IGSF9B: variants seen among roughly 807,000 people sequenced by gnomAD.
IGSF9B encodes the protein immunoglobulin superfamily member 9B.
IGSF9B carries 48 observed loss-of-function variants against 143.7 expected under a neutral mutation model. The observed-to-expected ratio is 0.33, with a 90% CI of 0.26 to 0.42. The LOEUF (loss-of-function observed/expected upper bound fraction) is 0.42. Ranked by LOEUF, IGSF9B falls within the 20% of genes least tolerant of loss-of-function variation. IGSF9B has a pLI of 1.00. For synonymous variants in IGSF9B, 903 were observed against 833.1 expected, an observed-to-expected ratio of 1.08 and a Z score of -1.44; for missense variants, 1,706 against 1,980.0, an observed-to-expected ratio of 0.86 and a Z score of 2.63.
intron 11 of IGSF9B, among the ~76,000 whole-genome samples, 192 bp from the exon 12 acceptor site, chr11:133,929,974 G>A (rs1333378074): frequency 6.6e-6 from 1 of 152,290 alleles, no homozygotes; most frequent in Admixed American, 6.5e-5. Context: ...TAGTGGGGTT[G>A]GAGCAGGAAG....
At position 133,931,966 on chromosome 11, in the gene IGSF9B, T is replaced by G; in HGVS notation, c.1110+105A>C. 1.3e-6 allele frequency: 2 copies of G among 1,509,324 alleles called. No individual in the cohort carries two copies. The highest frequency in any genetic ancestry group is 1.8e-6 in the Non-Finnish European group (2 of 1,123,516). The allele number at this position is 1,509,324 out of a possible 1,614,324, so 93.5% of individuals were successfully genotyped here. On this transcript the variant is annotated intron_variant, in intron 8 of 19. Transcript: ENST00000533871. The surrounding 1 kb of genome is among the most constrained non-coding windows in gnomAD (Gnocchi z 7.7). ...AGCAGCTCTCTGTTTGCCCAGGGCT[T>G]TTGGAAGGGGCCAGGAGTCCTGGCA...
At position 133,945,509 on chromosome 11, in the gene IGSF9B, G is replaced by T. The variant is rs886329568; in HGVS notation, c.262+552C>A. ...CCACGCCCTCCTCTCCCGCGGGCTG[G>T]GGGGCAGGCAGCGGCAGTGAGTCAC... On this transcript the variant is annotated intron_variant, in intron 2 of 19. Transcript: ENST00000533871. This position sits in a 1 kb window ranked among gnomAD's most constrained non-coding sequence, Gnocchi z 4.6. Among the ~76,000 whole-genome samples, 2 of 152,160 alleles carry T rather than the reference G, an allele frequency of 1.3e-5. No individual in the cohort carries two copies. Among genetic ancestry groups the T allele is most frequent in the East Asian group, 1.9e-4 (1 of 5,174 alleles).
In IGSF9B at chr11:133,926,909, C is replaced by T. The variant is rs1015681830; in HGVS notation, c.1807+7G>A. Reference sequence around the variant, plus strand: ...CCCGCTCCCAACATCCCACCCCGGGCCCTCACCTAAAGTGTTCACAGTGAC... The same window carrying T: ...CCCGCTCCCAACATCCCACCCCGGGTCCTCACCTAAAGTGTTCACAGTGAC... On this transcript the variant is annotated splice_region_variant and intron_variant, in intron 13 of 19. Coordinates refer to ENST00000533871, the MANE Select transcript of IGSF9B (RefSeq NM_001277285.4). The T allele has an allele frequency of 1.3e-5, 21 of 1,571,652 alleles. No individual in the cohort carries two copies. The highest frequency in any genetic ancestry group is 1.7e-5 in the Non-Finnish European group (20 of 1,154,146).
chr11:133,927,111 A>G lies in IGSF9B; in HGVS notation c.1632-20T>C. 2 of 1,528,158 alleles carry G rather than the reference A, an allele frequency of 1.3e-6. No individual in the cohort carries two copies. The highest frequency in any genetic ancestry group is 1.8e-6 in the Non-Finnish European group (2 of 1,127,156). 94.7% of individuals were successfully genotyped at this position (1,528,158 alleles called of 1,614,324 possible). A position where few individuals can be genotyped will look rare whatever the true frequency, so the allele number is the denominator to read the frequency against. On this transcript the variant is annotated intron_variant, in intron 12 of 19. Coordinates refer to ENST00000533871, the MANE Select transcript of IGSF9B (RefSeq NM_001277285.4). The stretch of plus-strand genomic sequence containing the variant: ...TTCATCCTGGCCAAAAGAGAGAGAC[A>G]GGATAGGGGACGAGGGGCGGGGTGG...
chr11:133,955,218 C>T (rs765228794), intron 1 of IGSF9B, among the ~76,000 whole-genome samples: 3 of 152,122 alleles, frequency 2.0e-5, no homozygotes, highest in South Asian at 2.1e-4. Context: ...CAAGCGCAGC[C>T]CGATGCACCT....
At chr11:133,942,799 G>T (rs995816658) in intron 3 of IGSF9B, among the ~76,000 whole-genome samples, 5 of 152,260 alleles carry the variant, frequency 3.3e-5, no homozygotes, top group Middle Eastern at 3.4e-3. Flanking sequence ...CTTACCAGGT[G>T]GTCAGAACAA....
chr11:133,937,584 G>A, intron 4 of IGSF9B, 91 bp from the exon 5 acceptor site: 2 of 1,141,366 alleles, frequency 1.8e-6, no homozygotes, highest in Non-Finnish European at 2.6e-6. Flanking sequence ...AGACACTAAG[G>A]TGGAGATGAC....
At chr11:133,947,831 T>C (rs997083047) in intron 1 of IGSF9B, among the ~76,000 whole-genome samples, 1 of 151,942 alleles carries the variant, frequency 6.6e-6, no homozygotes, top group African/African-American at 2.4e-5. Flanking sequence ...GATCTCTGTT[T>C]GTCTGTCTGC....
intron 13 of IGSF9B, among the ~76,000 whole-genome samples, 200 bp downstream of exon 13, chr11:133,926,716 C>T (rs1003091520): frequency 6.6e-5 from 10 of 152,230 alleles, no homozygotes; most frequent in Admixed American, 2.0e-4. Flanking sequence ...AACAGGAATT[C>T]GGCCAATGGC....
Position 133,948,304 on chromosome 11 carries a change from G to A in IGSF9B, c.65-2046C>T, listed in dbSNP as rs1410015508. Among the ~76,000 whole-genome samples, 1 of 152,082 alleles carries A rather than the reference G, an allele frequency of 6.6e-6. No individual in the cohort carries two copies. The highest frequency in any genetic ancestry group is 1.5e-5 in the Non-Finnish European group (1 of 68,022). Reference sequence around the variant, plus strand: ...CCCTTCCAGAAGCTGATTGGCTCCCGGTGACATCACAGTTTTCTAGAGAAA... The same window carrying A: ...CCCTTCCAGAAGCTGATTGGCTCCCAGTGACATCACAGTTTTCTAGAGAAA... On this transcript the variant is annotated intron_variant, in intron 1 of 19. Coordinates refer to ENST00000533871, the MANE Select transcript of IGSF9B (RefSeq NM_001277285.4). This position sits in a 1 kb window ranked among gnomAD's most constrained non-coding sequence, Gnocchi z 4.7.
In IGSF9B at chr11:133,928,764, C is replaced by A. The variant is rs1009615558; in HGVS notation, c.1631+907G>T. On this transcript the variant is annotated intron_variant, in intron 12 of 19. Transcript: ENST00000533871. This position sits in a 1 kb window ranked among gnomAD's most constrained non-coding sequence, Gnocchi z 4.7. Reference sequence around the variant, plus strand: ...TCCCTTCCTGTGCCTCCTGCCCTCACCCCGCTTGGCACATTTTTGAGATCT... The same window carrying A: ...TCCCTTCCTGTGCCTCCTGCCCTCAACCCGCTTGGCACATTTTTGAGATCT... 2.8e-4 allele frequency among the ~76,000 whole-genome samples: 43 copies of A among 152,332 alleles called. No homozygotes were observed. Among genetic ancestry groups the A allele is most frequent in the African/African-American group, 1.0e-3 (43 of 41,574 alleles).
chr11:133,919,512 G>A (rs1939466376), intron 18 of IGSF9B, among the ~76,000 whole-genome samples: 1 of 152,206 alleles, frequency 6.6e-6, no homozygotes, highest in South Asian at 2.1e-4. Context: ...GCTTGCCGGA[G>A]AAGACGCCTC....
At chr11:133,935,327 C>T (rs1341326867) in intron 7 of IGSF9B, among the ~76,000 whole-genome samples, 1 of 152,236 alleles carries the variant, frequency 6.6e-6, no homozygotes, top group African/African-American at 2.4e-5. Flanking sequence ...CGAGGACCAC[C>T]GTTCAGAAGG....
At position 133,949,159 on chromosome 11, in the gene IGSF9B, G is replaced by A. The variant is rs181448901; in HGVS notation, c.65-2901C>T. Among the ~76,000 whole-genome samples, 7 of 152,288 alleles carry A rather than the reference G, an allele frequency of 4.6e-5. No homozygotes were observed. The East Asian group carries it at 1.2e-3, about 25-fold the overall frequency. On this transcript the variant is annotated intron_variant, in intron 1 of 19. Transcript: ENST00000533871. Reference sequence around the variant, plus strand: ...ACCAGGGAGAGGCAGCTGCAGAGAGGACACATCCCAAAGAGGATAAGCAAG... The same window carrying A: ...ACCAGGGAGAGGCAGCTGCAGAGAGAACACATCCCAAAGAGGATAAGCAAG...
At chr11:133,952,012 G>A (rs556983956) in intron 1 of IGSF9B, 3 of 454,344 alleles carry the variant, frequency 6.6e-6, no homozygotes, top group Non-Finnish European at 1.3e-5. Flanking sequence ...GGGAGGCAAG[G>A]GGCCACAGAG....
At chr11:133,936,655 T>TC (rs1428457577) in intron 5 of IGSF9B, among the ~76,000 whole-genome samples, 2 of 152,118 alleles carry the variant, frequency 1.3e-5, no homozygotes, top group Non-Finnish European at 2.9e-5. Flanking sequence ...CGGCCAAGTC[T>TC]CCCCTGAGAG....
chr11:133,923,302 A>G (rs1431643496), intron 15 of IGSF9B, among the ~76,000 whole-genome samples: 1 of 152,198 alleles, frequency 6.6e-6, no homozygotes, highest in Non-Finnish European at 1.5e-5. Flanking sequence ...AAGAGGGATT[A>G]TTACTACAAA....
In IGSF9B at chr11:133,913,005, G is replaced by A. The variant is rs1039336342; in HGVS notation, c.3984-998C>T. ...AGAATCTTTCAAGAGTCATAAAAGA[G>A]GAAAACCTAGAAGACATGTTCTCAA... On this transcript the variant is annotated intron_variant, in intron 18 of 19. Coordinates refer to ENST00000533871, the MANE Select transcript of IGSF9B (RefSeq NM_001277285.4). This position sits in a 1 kb window ranked among gnomAD's most constrained non-coding sequence, Gnocchi z 4.6. Among the ~76,000 whole-genome samples, 1 of 152,170 alleles carries A rather than the reference G, an allele frequency of 6.6e-6. No individual in the cohort carries two copies. Among genetic ancestry groups the A allele is most frequent in the Non-Finnish European group, 1.5e-5 (1 of 68,032 alleles).
At chr11:133,956,628 G>T in intron 1 of IGSF9B, 63 bp downstream of exon 1, 2 of 1,133,076 alleles carry the variant, frequency 1.8e-6, no homozygotes, top group Non-Finnish European at 2.5e-6. Flanking sequence ...AAACCGAGGG[G>T]CCGGGCGCGA....
Sources: allele counts gnomAD v4.1 joint callset (sites outside exome capture counted in the v4.1 genomes callset), GRCh38; gene constraint gnomAD v4.1.1; non-coding constraint Gnocchi (gnomAD v3.1); transcripts MANE v1.5; gene names NCBI Gene and HGNC (gene_info 2026-07-23, HGNC 2026-07-21).